BBS9: variants seen among roughly 807,000 people sequenced by gnomAD.
BBS9 encodes protein PTHB1.
A neutral mutation model predicts 117.7 loss-of-function variants in BBS9; 89 were observed. That is an observed-to-expected ratio of 0.76 (90% CI 0.64 to 0.90). The LOEUF (loss-of-function observed/expected upper bound fraction) is 0.90, where lower values mean the gene tolerates loss of function less well. Among genes scored for constraint, BBS9 ranks in the 40% least tolerant of loss-of-function variants. The pLI, the probability that BBS9 is intolerant of heterozygous loss-of-function variation, is 0.00. For missense variants in BBS9, 982 were observed against 1,042.2 expected (o/e 0.94, Z 0.80); for synonymous variants, 379 against 370.9 (o/e 1.02, Z -0.25).
At chr7:33,342,103 G>A (rs75142718) in intron 11 of BBS9, among the ~76,000 whole-genome samples, 11,808 of 152,000 alleles carry the variant, frequency 0.078, 513 homozygotes, top group African/African-American at 0.09. Context: ...ACTTTAAAAC[G>A]TATATCATGA....
At chr7:33,543,141 A>G (rs893573070) in intron 21 of BBS9, among the ~76,000 whole-genome samples, 18 of 151,986 alleles carry the variant, frequency 1.2e-4, no homozygotes, top group African/African-American at 4.1e-4. Flanking sequence ...TGATTTTTTG[A>G]TTATGGCCAT....
At chr7:33,256,676 G>C (rs992799756) in intron 5 of BBS9, among the ~76,000 whole-genome samples, 1 of 152,070 alleles carries the variant, frequency 6.6e-6, no homozygotes, top group African/African-American at 2.4e-5. Context: ...ATAAAGAATA[G>C]TTACTATAGT....
At chr7:33,569,493 C>T (rs1476731734) in intron 21 of BBS9, among the ~76,000 whole-genome samples, 3 of 151,654 alleles carry the variant, frequency 2.0e-5, no homozygotes, top group African/African-American at 2.4e-5. Flanking sequence ...CAGTGGCCCA[C>T]GCCTGTAATC....
At chr7:33,454,458 A>G (rs1479276402) in intron 19 of BBS9, among the ~76,000 whole-genome samples, 4 of 152,226 alleles carry the variant, frequency 2.6e-5, no homozygotes, top group Admixed American at 6.5e-5. Flanking sequence ...ATAAACTCCA[A>G]GAAGCTCCCA....
Position 33,148,260 on chromosome 7 carries a change from C to T in BBS9, c.112+1896C>T, listed in dbSNP as rs183105920. Among the ~76,000 whole-genome samples the T allele has an allele frequency of 3.2e-3, 493 of 152,166 alleles. 2 individuals carry two copies. Among genetic ancestry groups the T allele is most frequent in the African/African-American group, 0.012 (479 of 41,514 alleles). On this transcript the variant is annotated intron_variant, in intron 2 of 22. Coordinates refer to ENST00000242067, the MANE Select transcript of BBS9 (RefSeq NM_198428.3). Reference sequence around the variant, plus strand: ...GGAGCTCTGAGAACAGGTGAAAATGCACAGGGAGAGAAGTTGAAATAAGAG... The same window carrying T: ...GGAGCTCTGAGAACAGGTGAAAATGTACAGGGAGAGAAGTTGAAATAAGAG...
chr7:33,616,916 G>A (rs1375624691), intron 21 of BBS9, among the ~76,000 whole-genome samples: 2 of 151,846 alleles, frequency 1.3e-5, no homozygotes, highest in African/African-American at 4.8e-5. Context: ...CTATGTCCAT[G>A]TGTACACATA....
chr7:33,152,747 C>T lies in BBS9; in HGVS notation c.159C>T (p.Ser53=). ...GSFMGYLRIF[S]PHPAKTGDGA... is the part of the protein sequence containing the mutation. ...TTATGGGATACCTAAGGATCTTTAG[C>T]CCCCATCCTGCAAAAACAGGAGATG... Residue 53 remains serine, a synonymous_variant, in exon 3 of 23, where the codon AGC becomes AGT. Coordinates refer to ENST00000242067, the MANE Select transcript of BBS9 (RefSeq NM_198428.3). 2 of 1,613,324 alleles carry T rather than the reference C, an allele frequency of 1.2e-6. No homozygotes were observed. The highest frequency in any genetic ancestry group is 1.7e-6 in the Non-Finnish European group (2 of 1,179,738).
chr7:33,606,218 G>T (rs894777899), downstream of BBS9: 2 of 152,018 alleles, frequency 1.3e-5, no homozygotes, highest in Non-Finnish European at 2.9e-5. Context: ...ACATCATTAT[G>T]ATCATTTATA....
At chr7:33,248,727 C>T (rs552416367) in intron 5 of BBS9, among the ~76,000 whole-genome samples, 2 of 152,242 alleles carry the variant, frequency 1.3e-5, no homozygotes, top group East Asian at 3.9e-4. Flanking sequence ...CTTTCTGTAA[C>T]AATAACAAAT....
At chr7:33,406,501 C>T (rs558855716) in intron 19 of BBS9, among the ~76,000 whole-genome samples, 1,838 of 151,300 alleles carry the variant, frequency 0.012, 27 homozygotes, top group African/African-American at 0.042. Flanking sequence ...TTATTTTGCT[C>T]GTTAGTTGAT....
chr7:33,350,345 T>C (rs1584448206), intron 13 of BBS9, among the ~76,000 whole-genome samples: 1 of 133,496 alleles, frequency 7.5e-6, no homozygotes, highest in East Asian at 2.2e-4. Context: ...TCATAGGTGA[T>C]ACCCAGCCAT....
chr7:33,363,682 A>G (rs953910991), intron 16 of BBS9, among the ~76,000 whole-genome samples: 2 of 149,478 alleles, frequency 1.3e-5, no homozygotes, highest in African/African-American at 4.9e-5. Flanking sequence ...AGTATTTTTT[A>G]GATTTTTTTT....
intron 5 of BBS9, among the ~76,000 whole-genome samples, chr7:33,213,265 C>T (rs1268595903): frequency 1.3e-5 from 2 of 152,208 alleles, no homozygotes; most frequent in Admixed American, 6.5e-5. Context: ...GGCACCACTA[C>T]CACTGGCCCA....
At chr7:33,528,391 C>G (rs918043015) in intron 20 of BBS9, among the ~76,000 whole-genome samples, 23 of 151,992 alleles carry the variant, frequency 1.5e-4, no homozygotes, top group Middle Eastern at 3.2e-3. Context: ...ACTGTGTACA[C>G]ATTTGGTAAT....
chr7:33,133,699 A>T (rs763713543), intron 1 of BBS9, among the ~76,000 whole-genome samples: 1 of 152,152 alleles, frequency 6.6e-6, no homozygotes, highest in Non-Finnish European at 1.5e-5. Flanking sequence ...TATATTCATC[A>T]GCTGATGGAC....
chr7:33,459,012 A>G (rs762334697), intron 19 of BBS9, among the ~76,000 whole-genome samples: 3 of 152,122 alleles, frequency 2.0e-5, no homozygotes, highest in Admixed American at 6.6e-5. Context: ...CTTTTCTGCC[A>G]TGAGGCTTGT....
intron 21 of BBS9, among the ~76,000 whole-genome samples, chr7:33,574,875 G>A (rs946765801): frequency 5.9e-5 from 9 of 152,082 alleles, no homozygotes; most frequent in African/African-American, 2.2e-4. Context: ...CCTTTCAGCA[G>A]TTAATTGATT....
At chr7:33,220,625 T>A (rs1790069413) in intron 5 of BBS9, among the ~76,000 whole-genome samples, 1 of 152,246 alleles carries the variant, frequency 6.6e-6, no homozygotes, top group Admixed American at 6.5e-5. Flanking sequence ...CTGGCATACA[T>A]GCTGTGATTT....
chr7:33,268,608 C>T (rs1799215707), intron 7 of BBS9, among the ~76,000 whole-genome samples: 1 of 152,078 alleles, frequency 6.6e-6, no homozygotes, highest in African/African-American at 2.4e-5. Context: ...AAATCATTTC[C>T]TTATTACTCC....
Sources: gnomAD v4.1 joint callset for allele counts (sites outside exome capture counted in the v4.1 genomes callset) on GRCh38, gnomAD v4.1.1 for gene constraint, MANE v1.5 for transcripts, NCBI Gene and HGNC (gene_info 2026-07-23, HGNC 2026-07-21) for gene names.